Variants in DST observed in about 807,000 individuals in gnomAD.
DST encodes the protein bullous pemphigoid antigen.
DST carries 253 observed loss-of-function variants against 875.2 expected under a neutral mutation model. The observed-to-expected ratio is 0.29, with a 90% CI of 0.26 to 0.32. The LOEUF is 0.32. DST is among the 10% of genes least tolerant of loss of function. The probability of loss-of-function intolerance (pLI) is 1.00; values close to 1 mark genes in which losing one functional copy is unlikely to be tolerated. For missense variants in DST, 8,287 were observed against 9,111.6 expected, an observed-to-expected ratio of 0.91 and a Z score of 3.68; for synonymous variants, 3,124 against 3,197.1, an observed-to-expected ratio of 0.98 and a Z score of 0.77.
chr6:56,603,256 G>T lies in DST; in HGVS notation c.11106C>A (p.Asn3702Lys). The T allele has an allele frequency of 1.2e-6, 2 of 1,608,622 alleles. No homozygotes were observed. The highest frequency in any genetic ancestry group is 1.7e-6 in the Non-Finnish European group (2 of 1,177,690). ...SLKTAFSSLSNVSSERTKQIM... is the reference protein window; with the variant it reads ...SLKTAFSSLSKVSSERTKQIM... The stretch of plus-strand genomic sequence containing the variant: ...TCTGTTTCGTTCTTTCTGAAGACAC[G>T]TTGCTGAGGGAAGAGAAGGCGGTCT... Residue 3702 changes from asparagine (N) to lysine (K), a missense_variant, in exon 42 of 104, where the codon AAC becomes AAA. By Grantham distance (94) the Asn-to-Lys change is moderately conservative (BLOSUM62 0). Transcript: ENST00000680361.
At chr6:56,757,764 C>G (rs1190514168) in intron 4 of DST, among the ~76,000 whole-genome samples, 1 of 152,160 alleles carries the variant, frequency 6.6e-6, no homozygotes, top group Non-Finnish European at 1.5e-5. Context: ...CCATCTAGGA[C>G]CACAAAGCAG....
chr6:56,472,249 T>G (rs1271525303), intron 93 of DST, 27 bp from the exon 94 acceptor site: 1 of 1,608,444 alleles, frequency 6.2e-7, no homozygotes, highest in East Asian at 2.2e-5. Flanking sequence ...TCGGTTAGGA[T>G]GGCAGTTTCC....
chr6:56,593,377 C>T (rs964178208), intron 48 of DST, among the ~76,000 whole-genome samples: 9 of 151,496 alleles, frequency 5.9e-5, no homozygotes, highest in East Asian at 1.9e-4. Context: ...ATTAGACGGG[C>T]GTGGGGGTAC....
chr6:56,619,240 C>T, intron 36 of DST: 1 of 1,613,424 alleles, frequency 6.2e-7, no homozygotes, highest in South Asian at 1.1e-5. Context: ...AAACTATATT[C>T]TCTGATTCTG....
At chr6:56,851,889 C>A in intron 3 of DST, 1 of 1,550,036 alleles carries the variant, frequency 6.5e-7, no homozygotes, top group East Asian at 2.4e-5. Flanking sequence ...GGTCCGGCCA[C>A]CAGCTCACAA....
chr6:56,769,486 C>T (rs542297730), intron 4 of DST, among the ~76,000 whole-genome samples: 5 of 152,218 alleles, frequency 3.3e-5, no homozygotes, highest in Admixed American at 2.6e-4. Context: ...GTACTTTCTG[C>T]CTAATTTTTC....
intron 9 of DST, among the ~76,000 whole-genome samples, chr6:56,681,305 T>C (rs548173316): frequency 1.3e-5 from 2 of 152,268 alleles, no homozygotes; most frequent in South Asian, 4.2e-4. Context: ...TGCAGCCTCA[T>C]CTCTCCTCCC....
intron 4 of DST, among the ~76,000 whole-genome samples, chr6:56,812,537 C>T (rs1278658153): frequency 6.6e-6 from 1 of 152,118 alleles, no homozygotes; most frequent in Non-Finnish European, 1.5e-5. Flanking sequence ...GAGATCTAAA[C>T]TAAGATTTAC....
intron 82 of DST, among the ~76,000 whole-genome samples, chr6:56,495,948 A>G (rs1261936323): frequency 2.6e-5 from 4 of 152,152 alleles, no homozygotes; most frequent in Non-Finnish European, 4.4e-5. Flanking sequence ...TTATTTCCAA[A>G]TAAGAGCAGT....
chr6:56,844,150 A>C (rs2099804329), intron 4 of DST: 2 of 152,434 alleles, frequency 1.3e-5, no homozygotes, highest in African/African-American at 4.8e-5. Flanking sequence ...ACTCTGTGAC[A>C]GCACAGGGCA....
At position 56,783,765 on chromosome 6, in the gene DST, T is replaced by C. The variant is rs148821240; in HGVS notation, c.626-48476A>G. 3.1e-3 allele frequency among the ~76,000 whole-genome samples: 472 copies of C among 152,344 alleles called. 2 individuals are homozygous for C. Among genetic ancestry groups the C allele is most frequent in the African/African-American group, 0.01 (425 of 41,578 alleles). Reference sequence around the variant, plus strand: ...GTTATGTGTGAACCTGATCCTGTCATTATGATGTTAGCTGGTTATTTTGCT... The same window carrying C: ...GTTATGTGTGAACCTGATCCTGTCACTATGATGTTAGCTGGTTATTTTGCT... On this transcript the variant is annotated intron_variant, in intron 4 of 103. Transcript: ENST00000680361.
chr6:56,783,899 C>T (rs9717718), intron 4 of DST, among the ~76,000 whole-genome samples: 19,518 of 152,090 alleles, frequency 0.13, 1,688 homozygotes, highest in Middle Eastern at 0.2. Flanking sequence ...TTCCTTCAGG[C>T]GCTCTTTTAG....
At chr6:56,478,261 G>A (rs2095278258) in intron 90 of DST, among the ~76,000 whole-genome samples, 1 of 152,194 alleles carries the variant, frequency 6.6e-6, no homozygotes, top group Non-Finnish European at 1.5e-5. Flanking sequence ...AAAGTAGAGA[G>A]AAGCCTGGGT....
chr6:56,718,267 C>T (rs764257363), intron 5 of DST, among the ~76,000 whole-genome samples: 9 of 152,072 alleles, frequency 5.9e-5, no homozygotes, highest in Non-Finnish European at 1.3e-4. Context: ...GAACAGGCAA[C>T]TCACCAAAGA....
chr6:56,602,792 C>T, intron 43 of DST, 90 bp downstream of exon 43: 1 of 986,090 alleles, frequency 1.0e-6, no homozygotes, highest in South Asian at 2.5e-5. Flanking sequence ...TCCTTTGTAG[C>T]CTTAGCAAAG....
At chr6:56,947,641 A>G (rs1283084657) in intron 2 of DST, among the ~76,000 whole-genome samples, 1 of 152,220 alleles carries the variant, frequency 6.6e-6, no homozygotes, top group Non-Finnish European at 1.5e-5. Flanking sequence ...GTCATGTAGT[A>G]TACACGAATC....
chr6:56,878,608 T>A (rs1387842988), intron 3 of DST, among the ~76,000 whole-genome samples: 2 of 152,060 alleles, frequency 1.3e-5, no homozygotes, highest in East Asian at 3.9e-4. Context: ...AAGAAAAATC[T>A]TTTCCCAGAT....
At chr6:56,781,506 T>C (rs1240683598) in intron 4 of DST, among the ~76,000 whole-genome samples, 2 of 152,374 alleles carry the variant, frequency 1.3e-5, no homozygotes, top group East Asian at 3.9e-4. Context: ...AGTTCACTCA[T>C]GATTTGGCTC....
intron 30 of DST, among the ~76,000 whole-genome samples, chr6:56,630,615 GTTTC>G (rs770248026): frequency 6.6e-6 from 1 of 152,044 alleles, no homozygotes; most frequent in Non-Finnish European, 1.5e-5. Flanking sequence ...ACATAAGATG[GTTTC>G]TTTCTAACTT....
Sources: gnomAD v4.1 joint callset for allele counts (sites outside exome capture counted in the v4.1 genomes callset) on GRCh38, gnomAD v4.1.1 for gene constraint, MANE v1.5 for transcripts, NCBI Gene and HGNC (gene_info 2026-07-23, HGNC 2026-07-21) for gene names.